Variants in CTNND2 observed in about 807,000 individuals in gnomAD.
The protein encoded by CTNND2 is catenin delta 2, also known as catenin delta-2.
CTNND2 carries 22 observed loss-of-function variants against 144.4 expected under a neutral mutation model. That is an observed-to-expected ratio of 0.15 (90% CI 0.11 to 0.22). The LOEUF is 0.22. Ranked by LOEUF, CTNND2 falls within the 10% of genes least tolerant of loss-of-function variation. The pLI is 1.00. For synonymous variants in CTNND2, 751 were observed against 695.6 expected, an observed-to-expected ratio of 1.08 and a Z score of -1.25; for missense variants, 1,353 against 1,618.8, an observed-to-expected ratio of 0.84 and a Z score of 2.82.
At chr5:11,199,012 A>G (rs1340509444) in intron 11 of CTNND2, among the ~76,000 whole-genome samples, 1 of 152,246 alleles carries the variant, frequency 6.6e-6, no homozygotes, top group Non-Finnish European at 1.5e-5. Context: ...TTTAATAGAC[A>G]TGAATATTTC....
chr5:11,196,681 G>A (rs143187903), intron 11 of CTNND2, among the ~76,000 whole-genome samples: 2 of 152,144 alleles, frequency 1.3e-5, no homozygotes, highest in African/African-American at 2.4e-5. Context: ...ACTCCCTTGC[G>A]GCTCATCTAG....
intron 2 of CTNND2, among the ~76,000 whole-genome samples, chr5:11,630,028 G>A (rs1347606554): frequency 6.6e-6 from 1 of 152,020 alleles, no homozygotes; most frequent in Non-Finnish European, 1.5e-5. Flanking sequence ...TTTCTTAAAT[G>A]TTCCATATGG....
At chr5:11,466,774 G>T (rs969720468) in intron 3 of CTNND2, among the ~76,000 whole-genome samples, 2 of 152,140 alleles carry the variant, frequency 1.3e-5, no homozygotes, top group African/African-American at 4.8e-5. Flanking sequence ...AGTCACTGAC[G>T]CCATCTCCTG....
At chr5:11,340,742 G>C (rs1212964227) in intron 9 of CTNND2, among the ~76,000 whole-genome samples, 1 of 152,148 alleles carries the variant, frequency 6.6e-6, no homozygotes, top group Non-Finnish European at 1.5e-5. Flanking sequence ...AGCTCAAATA[G>C]GTATGAATGT....
intron 16 of CTNND2, among the ~76,000 whole-genome samples, chr5:11,075,688 C>T (rs1748871719): frequency 6.6e-6 from 1 of 152,248 alleles, no homozygotes; most frequent in Non-Finnish European, 1.5e-5. Context: ...CCAGTACCCG[C>T]AGGGATGCGG....
At chr5:11,712,997 C>A (rs1233891280) in intron 2 of CTNND2, among the ~76,000 whole-genome samples, 2 of 152,060 alleles carry the variant, frequency 1.3e-5, no homozygotes, top group Non-Finnish European at 2.9e-5. Context: ...AAAGTTCGAG[C>A]CACATTCCTG....
intron 9 of CTNND2, among the ~76,000 whole-genome samples, chr5:11,237,442 T>G (rs1224733758): frequency 6.6e-6 from 1 of 152,224 alleles, no homozygotes; most frequent in African/African-American, 2.4e-5. Context: ...TAACCTAAAA[T>G]AGCATATGAT....
intron 15 of CTNND2, among the ~76,000 whole-genome samples, chr5:11,092,096 G>A (rs911972594): frequency 2.6e-5 from 4 of 152,240 alleles, no homozygotes; most frequent in African/African-American, 7.2e-5. Flanking sequence ...TCAAGGTGGT[G>A]AGCTGAGACA....
At chr5:11,203,879 T>C (rs1001090336) in intron 10 of CTNND2, among the ~76,000 whole-genome samples, 3 of 152,248 alleles carry the variant, frequency 2.0e-5, no homozygotes, top group Admixed American at 6.5e-5. Context: ...GAATCTAGAC[T>C]GAACAATTCT....
intron 18 of CTNND2, among the ~76,000 whole-genome samples, chr5:11,005,491 G>C (rs1270553047): frequency 6.6e-6 from 1 of 152,204 alleles, no homozygotes; most frequent in Non-Finnish European, 1.5e-5. Context: ...CAGGACCAGG[G>C]ACAGATGATG....
intron 1 of CTNND2, among the ~76,000 whole-genome samples, chr5:11,752,656 T>G (rs1788693374): frequency 6.6e-6 from 1 of 151,722 alleles, no homozygotes; most frequent in African/African-American, 2.4e-5. Flanking sequence ...GCTTAGGATT[T>G]CTTGGGCTAT....
intron 10 of CTNND2, among the ~76,000 whole-genome samples, chr5:11,207,436 A>G (rs1028462190): frequency 6.6e-6 from 1 of 152,302 alleles, no homozygotes; most frequent in Admixed American, 6.5e-5. Flanking sequence ...TAACTTTATT[A>G]TATCAATTAC....
At chr5:11,593,295 T>C (rs1353004587) in intron 2 of CTNND2, among the ~76,000 whole-genome samples, 1 of 152,232 alleles carries the variant, frequency 6.6e-6, no homozygotes, top group East Asian at 1.9e-4. Context: ...TGGGAGAAGA[T>C]ATTTTCATTC....
intron 9 of CTNND2, among the ~76,000 whole-genome samples, chr5:11,303,899 C>A (rs1749870834): frequency 6.6e-6 from 1 of 152,146 alleles, no homozygotes; most frequent in African/African-American, 2.4e-5. Context: ...ATAACTGAAT[C>A]ATGGGGGCGG....
At chr5:11,676,076 C>T (rs1784158496) in intron 2 of CTNND2, among the ~76,000 whole-genome samples, 4 of 151,902 alleles carry the variant, frequency 2.6e-5, no homozygotes, top group Admixed American at 2.6e-4. Context: ...CCAACAGATA[C>T]CTCATACAGG....
intron 11 of CTNND2, among the ~76,000 whole-genome samples, chr5:11,161,323 T>C (rs1056096107): frequency 6.6e-6 from 1 of 152,248 alleles, no homozygotes; most frequent in African/African-American, 2.4e-5. Flanking sequence ...GACCATTTTA[T>C]ATACACTTTC....
chr5:11,562,717 T>C (rs975796716), intron 3 of CTNND2, among the ~76,000 whole-genome samples: 1 of 152,246 alleles, frequency 6.6e-6, no homozygotes, highest in African/African-American at 2.4e-5. Flanking sequence ...AAAGTTGTCA[T>C]GGTATCATTT....
chr5:11,819,542 C>T (rs1053169370), intron 1 of CTNND2, among the ~76,000 whole-genome samples: 1 of 152,166 alleles, frequency 6.6e-6, no homozygotes, highest in African/African-American at 2.4e-5. Flanking sequence ...GGAAGCAAGA[C>T]TAGACCAGTG....
intron 14 of CTNND2, among the ~76,000 whole-genome samples, chr5:11,100,003 G>A (rs1025743921): frequency 5.9e-5 from 9 of 151,692 alleles, no homozygotes; most frequent in Non-Finnish European, 1.3e-4. Context: ...AAATGTGTGT[G>A]TGTATAAATA....
Sources: gnomAD v4.1 joint callset for allele counts (sites outside exome capture counted in the v4.1 genomes callset) on GRCh38, gnomAD v4.1.1 for gene constraint, MANE v1.5 for transcripts, NCBI Gene and HGNC (gene_info 2026-07-23, HGNC 2026-07-21) for gene names.